The following PI4KA variants were observed in gnomAD, a reference collection of about 807,000 sequenced individuals.
The protein encoded by PI4KA is PI4-kinase alpha.
In PI4KA, 122 loss-of-function variants were observed where a neutral mutation model predicts 271.4. The observed-to-expected ratio is 0.45, with a 90% CI of 0.39 to 0.52. The LOEUF is 0.52. Ranked by LOEUF, PI4KA falls within the 20% of genes least tolerant of loss-of-function variation. PI4KA has a pLI of 0.00. For synonymous variants in PI4KA, 1,041 were observed against 1,078.8 expected (o/e 0.96, Z 0.69); for missense variants, 1,969 against 2,769.1 (o/e 0.71, Z 6.48).
At chr22:20,785,067 CTTTTT>C (rs1555894632) in intron 19 of PI4KA, among the ~76,000 whole-genome samples, 1 of 134,448 alleles carries the variant, frequency 7.4e-6, no homozygotes, top group Non-Finnish European at 1.6e-5. Context: ...GGGACTGCAT[CTTTTT>C]TTTTTTTTTT....
intron 22 of PI4KA, among the ~76,000 whole-genome samples, chr22:20,762,518 C>A (rs1478980292): frequency 1.3e-5 from 2 of 152,202 alleles, no homozygotes; most frequent in Non-Finnish European, 2.9e-5. Context: ...GTCTTAGAGT[C>A]TTCCTCTGCC....
intron 19 of PI4KA, 119 bp downstream of exon 19, chr22:20,793,074 A>G: frequency 2.8e-6 from 2 of 703,094 alleles, no homozygotes; most frequent in East Asian, 2.7e-5. Context: ...AGTCACATCT[A>G]GAGGCATAGG....
intron 1 of PI4KA, among the ~76,000 whole-genome samples, chr22:20,854,162 C>A (rs1333402858): frequency 6.6e-6 from 1 of 152,112 alleles, no homozygotes; most frequent in Non-Finnish European, 1.5e-5. Context: ...CGTTTGTCGC[C>A]CAAGCCAGAA....
Position 20,765,514 on chromosome 22 carries a change from C to T in PI4KA, c.2437+71G>A, listed in dbSNP as rs146423590. On this transcript the variant is annotated intron_variant, in intron 20 of 54. Coordinates refer to ENST00000255882, the MANE Select transcript of PI4KA (RefSeq NM_058004.4). Reference sequence around the variant, plus strand: ...TTAAACATGCTCACATTCATAATTACGTGGGCTCTGACCTCACCTTTACCT... The same window carrying T: ...TTAAACATGCTCACATTCATAATTATGTGGGCTCTGACCTCACCTTTACCT... 507 of 1,002,956 alleles carry T rather than the reference C, an allele frequency of 5.1e-4. 4 individuals carry two copies. In the East Asian group the frequency reaches 8.7e-3, roughly 17 times the overall value. 62.1% of individuals were successfully genotyped at this position (1,002,956 alleles called of 1,614,324 possible).
rs190475625 is a variant in PI4KA at position 20,759,606 on chromosome 22, C to T, written c.2791+1698G>A. 6.9e-4 allele frequency among the ~76,000 whole-genome samples: 105 copies of T among 151,856 alleles called. No individual in the cohort carries two copies. In the East Asian group the frequency reaches 0.016, roughly 24 times the overall value. ...TTTGAGACAGAGTCTCACTCTGTCA[C>T]CAAGGCTGGAGTACAGTTGCGTGAA... On this transcript the variant is annotated intron_variant, in intron 23 of 54. Transcript: ENST00000255882.
At chr22:20,846,302 T>G (rs372808353) in intron 1 of PI4KA, among the ~76,000 whole-genome samples, 43 of 124,144 alleles carry the variant, frequency 3.5e-4, no homozygotes, top group Non-Finnish European at 4.8e-4. Context: ...GAAAAGAAAA[T>G]AAATTGTATT....
Position 20,779,876 on chromosome 22 carries a change from T to C in PI4KA, c.2328+13317A>G, listed in dbSNP as rs1423106263. 1.9e-6 allele frequency: 3 copies of C among 1,614,140 alleles called. No homozygotes were observed. The African/African-American group carries it at 4.0e-5, about 22-fold the overall frequency. ...TTTTGCATTTTAAAGACTTTGTTAA[T>C]GCCAGCAGCAAGTATGAAATCACGA... On this transcript the variant is annotated intron_variant, in intron 19 of 54. Coordinates refer to ENST00000255882, the MANE Select transcript of PI4KA (RefSeq NM_058004.4).
chr22:20,832,765 T>G (rs1924359666), intron 3 of PI4KA, among the ~76,000 whole-genome samples: 1 of 152,190 alleles, frequency 6.6e-6, no homozygotes, highest in South Asian at 2.1e-4. Context: ...GGTTTTTTCT[T>G]AAAATGGCCA....
rs574633078 is a variant in PI4KA, at chr22:20,781,426, C to T, written c.2328+11767G>A. 2.0e-5 allele frequency among the ~76,000 whole-genome samples: 3 copies of T among 152,316 alleles called. No individual in the cohort carries two copies. The South Asian group carries it at 6.2e-4, about 32-fold the overall frequency. On this transcript the variant is annotated intron_variant, in intron 19 of 54. Transcript: ENST00000255882. ...AGTACTTGGAGGCCAGTGCTTTCTG[C>T]TAGTTAGCTCCCGTGGTTTTATAGC...
intron 19 of PI4KA, among the ~76,000 whole-genome samples, chr22:20,782,307 G>A (rs1048403653): frequency 6.6e-6 from 1 of 152,140 alleles, no homozygotes; most frequent in Non-Finnish European, 1.5e-5. Context: ...ACAGTAACCC[G>A]TGTCATACCA....
At chr22:20,821,149 TA>T (rs1922602375) in intron 4 of PI4KA, among the ~76,000 whole-genome samples, 1 of 152,336 alleles carries the variant, frequency 6.6e-6, no homozygotes, top group Non-Finnish European at 1.5e-5. Context: ...TATGTGACAT[TA>T]GCTTTTCTGC....
In PI4KA at chr22:20,752,998, C is replaced by T. The variant is rs1568990254; in HGVS notation, c.2892G>A (p.Leu964=). ...KAKTKENEEE[L]ERHAQFLLVN... is the part of the protein sequence containing the mutation. ...CCAACAGGAACTGAGCGTGCCGCTC[C>T]AGCTCCTCCTCGTTCTCCTTGGTCT... Residue 964 remains leucine, a synonymous_variant, in exon 25 of 55, where the codon CTG becomes CTA. Transcript: ENST00000255882. The T allele has an allele frequency of 1.2e-6, 2 of 1,614,108 alleles. No homozygotes were observed. Among genetic ancestry groups the T allele is most frequent in the South Asian group, 2.2e-5 (2 of 91,096 alleles).
At chr22:20,719,878 T>A (rs1926487263) in intron 43 of PI4KA, among the ~76,000 whole-genome samples, 3 of 151,664 alleles carry the variant, frequency 2.0e-5, no homozygotes. Context: ...TACAAAAAAA[T>A]TAGCAGGCGT....
At chr22:20,817,106 A>C (rs931737404) in intron 7 of PI4KA, among the ~76,000 whole-genome samples, 1 of 152,218 alleles carries the variant, frequency 6.6e-6, no homozygotes, top group East Asian at 1.9e-4. Flanking sequence ...CATATATAGA[A>C]TGTAACCTGT....
At chr22:20,850,898 T>C (rs2147819510) in intron 1 of PI4KA, among the ~76,000 whole-genome samples, 1 of 152,130 alleles carries the variant, frequency 6.6e-6, no homozygotes. Flanking sequence ...TTTTTTTACT[T>C]AGCCAGGTAC....
At chr22:20,761,424 C>T (rs753547124) in intron 22 of PI4KA, 38 bp from the exon 23 acceptor site, 1 of 1,309,070 alleles carries the variant, frequency 7.6e-7, no homozygotes, top group Non-Finnish European at 1.1e-6. Context: ...TTTGAAAAAT[C>T]TGGGCCCTCC....
At chr22:20,763,351 C>T (rs111346757) in intron 22 of PI4KA, among the ~76,000 whole-genome samples, 1 of 152,004 alleles carries the variant, frequency 6.6e-6, no homozygotes, top group Admixed American at 6.5e-5. Context: ...ACCTCAGGAT[C>T]TGCCTGCCTC....
intron 36 of PI4KA, among the ~76,000 whole-genome samples, chr22:20,732,234 G>T (rs1405927550): frequency 1.3e-5 from 2 of 152,008 alleles, no homozygotes; most frequent in Non-Finnish European, 2.9e-5. Flanking sequence ...TAAAAAATTA[G>T]CCAGGCATGG....
chr22:20,727,917 C>G, intron 39 of PI4KA, 53 bp from the exon 40 acceptor site: 2 of 1,368,940 alleles, frequency 1.5e-6, no homozygotes, highest in Non-Finnish European at 2.1e-6. Flanking sequence ...AACCTGCACT[C>G]TCCCACCACA....
Sources: gnomAD v4.1 joint callset for allele counts (sites outside exome capture counted in the v4.1 genomes callset) on GRCh38, gnomAD v4.1.1 for gene constraint, MANE v1.5 for transcripts, NCBI Gene and HGNC (gene_info 2026-07-23, HGNC 2026-07-21) for gene names.